The following CDH13 variants were observed in gnomAD, a reference collection of about 807,000 sequenced individuals.
CDH13 encodes the protein cadherin-13.
Under a neutral mutation model 63.8 loss-of-function variants are expected in CDH13, and 24 were observed. The observed-to-expected ratio is 0.38, with a 90% confidence interval of 0.27 to 0.53. The LOEUF is 0.53. CDH13 is among the 20% of genes least tolerant of loss of function. The pLI is 0.85. For synonymous variants in CDH13, 503 were observed against 355.3 expected (o/e 1.42, Z -4.67); for missense variants, 1,049 against 903.1 (o/e 1.16, Z -2.07).
At chr16:83,237,508 T>C (rs892924732) in intron 5 of CDH13, among the ~76,000 whole-genome samples, 2 of 152,256 alleles carry the variant, frequency 1.3e-5, no homozygotes, top group African/African-American at 4.8e-5. Context: ...ACGTGGTGAC[T>C]ATTGAGCATT....
chr16:82,791,937 GC>G, intron 1 of CDH13, among the ~76,000 whole-genome samples: 1 of 152,216 alleles, frequency 6.6e-6, no homozygotes, highest in African/African-American at 2.4e-5. Flanking sequence ...GGAGCGGCCC[GC>G]CCCATCTTGG....
chr16:82,858,415 G>C lies in CDH13; in HGVS notation c.99G>C (p.Gln33His). The change falls in exon 2 of 14, where the codon CAG becomes CAC. Residue 33 changes from glutamine to histidine, a missense_variant. Gln to His is a conservative substitution (Grantham distance 24). Transcript: ENST00000567109. ...TGGACTGCACTCCTGGATTTCAGCAGAAAGTGTTCCATATCAATCAGCCAG... is the reference window on the plus strand; with the variant it reads ...TGGACTGCACTCCTGGATTTCAGCACAAAGTGTTCCATATCAATCAGCCAG... Reference protein sequence around the residue: ...EDLDCTPGFQQKVFHINQPAE... With the variant: ...EDLDCTPGFQHKVFHINQPAE... 1.2e-6 allele frequency: 2 copies of C among 1,613,922 alleles called. No individual in the cohort carries two copies. Among genetic ancestry groups the C allele is most frequent in the Non-Finnish European group, 1.7e-6 (2 of 1,179,798 alleles).
intron 5 of CDH13, among the ~76,000 whole-genome samples, chr16:83,329,442 G>A (rs1393963872): frequency 1.3e-5 from 2 of 151,108 alleles, no homozygotes; most frequent in Admixed American, 1.3e-4. Flanking sequence ...TCGCCATGTT[G>A]GCGAGGCTGG....
rs566733663 is a variant in CDH13, at chr16:83,263,457, C to T, written c.636+45960C>T. Among the ~76,000 whole-genome samples, 4 of 152,254 alleles carry T rather than the reference C, an allele frequency of 2.6e-5. No individual in the cohort carries two copies. The East Asian group carries it at 7.7e-4, about 29-fold the overall frequency. On this transcript the variant is annotated intron_variant, in intron 5 of 13. Transcript: ENST00000567109. ...TCCTCTTGAGATATGCAGAGATCTA[C>T]CAACCACATCACAGAATGGAACTCA... is the stretch of plus-strand genomic sequence containing the variant.
At chr16:83,202,105 G>A (rs1388691046) in intron 4 of CDH13, among the ~76,000 whole-genome samples, 10 of 152,104 alleles carry the variant, frequency 6.6e-5, no homozygotes, top group East Asian at 5.8e-4. Context: ...TGAAAATGGC[G>A]GACTCGACTT....
chr16:82,679,977 G>C lies in CDH13; in HGVS notation c.45+52840G>C, dbSNP rs551513469. Among the ~76,000 whole-genome samples, 54 of 152,260 alleles carry C rather than the reference G, an allele frequency of 3.5e-4. 1 individual carries two copies. The highest frequency in any genetic ancestry group is 1.3e-3 in the African/African-American group (53 of 41,542). On this transcript the variant is annotated intron_variant, in intron 1 of 13. Coordinates refer to ENST00000567109, the MANE Select transcript of CDH13 (RefSeq NM_001257.5). ...GATCTTCTTGACGGTGGTGAAGAAG[G>C]ACAAGGAAGACCACCACCATAACAC...
chr16:82,696,874 G>A (rs984093701), intron 1 of CDH13, among the ~76,000 whole-genome samples: 7 of 152,180 alleles, frequency 4.6e-5, no homozygotes, highest in Non-Finnish European at 2.9e-5. Context: ...CTGCAGGCTT[G>A]ACTGGGGCTG....
chr16:82,905,229 G>C (rs1482852916), intron 2 of CDH13, among the ~76,000 whole-genome samples: 1 of 152,166 alleles, frequency 6.6e-6, no homozygotes, highest in East Asian at 1.9e-4. Context: ...TCTCTCTCTA[G>C]ATGGACTTCT....
chr16:83,592,390 A>G (rs1906844229), intron 7 of CDH13, among the ~76,000 whole-genome samples: 1 of 152,170 alleles, frequency 6.6e-6, no homozygotes, highest in South Asian at 2.1e-4. Context: ...AGTCTGTATC[A>G]TTTATCACAT....
At chr16:83,379,938 T>TATATATAGAGAGAGAGAG in intron 6 of CDH13, among the ~76,000 whole-genome samples, 18 of 123,462 alleles carry the variant, frequency 1.5e-4, no homozygotes, top group Middle Eastern at 4.2e-3. Flanking sequence ...TATATATATA[T>TATATATAGAGAGAGAGAG]AGAGAGAGAG....
chr16:83,418,509 A>G (rs1039325251), intron 6 of CDH13, among the ~76,000 whole-genome samples: 29 of 152,168 alleles, frequency 1.9e-4, no homozygotes, highest in African/African-American at 7.0e-4. Context: ...TCCTATAGCT[A>G]TGGGGACAAT....
rs563782168 is a variant in CDH13 at position 82,770,747 on chromosome 16, G to A, written c.46-87615G>A. ...TCTGGAGACAGAGTCTCAGTCTGTT[G>A]CCCAAGCTGGAGTGCAGTGGCGTGA... On this transcript the variant is annotated intron_variant, in intron 1 of 13. Coordinates refer to ENST00000567109, the MANE Select transcript of CDH13 (RefSeq NM_001257.5). 1.6e-4 allele frequency among the ~76,000 whole-genome samples: 25 copies of A among 152,194 alleles called. 1 individual carries two copies. The South Asian group carries it at 4.1e-3, about 25-fold the overall frequency.
intron 1 of CDH13, among the ~76,000 whole-genome samples, chr16:82,706,777 C>G (rs1432764869): frequency 2.0e-5 from 3 of 151,658 alleles, no homozygotes; most frequent in East Asian, 1.9e-4. Context: ...GTACTCCAGC[C>G]TGGGTGACAG....
In CDH13 at chr16:83,715,310, T is replaced by C. The variant is rs142448183; in HGVS notation, c.1539-32798T>C. On this transcript the variant is annotated intron_variant, in intron 10 of 13. Transcript: ENST00000567109. ...ATTTACTTGATCAGGGTTTGGATAA[T>C]GCTTCATTCACAGCTGTTTTTCGCT... Among the ~76,000 whole-genome samples the C allele has an allele frequency of 4.6e-5, 7 of 152,354 alleles. No individual in the cohort carries two copies. In the East Asian group the frequency reaches 1.4e-3, roughly 29 times the overall value.
chr16:83,344,059 C>G (rs988552277), intron 5 of CDH13, among the ~76,000 whole-genome samples: 4 of 152,164 alleles, frequency 2.6e-5, no homozygotes, highest in African/African-American at 9.7e-5. Flanking sequence ...ATGCCCTTTT[C>G]TGATCAAAAT....
chr16:82,904,905 C>G (rs552091032), intron 2 of CDH13, among the ~76,000 whole-genome samples: 1 of 152,144 alleles, frequency 6.6e-6, no homozygotes, highest in African/African-American at 2.4e-5. Flanking sequence ...CCTAAATGAA[C>G]CTAGGTTTCT....
chr16:82,933,834 T>C (rs1345830742), intron 2 of CDH13, among the ~76,000 whole-genome samples: 4 of 152,208 alleles, frequency 2.6e-5, no homozygotes, highest in African/African-American at 9.6e-5. Context: ...CAAAATAATC[T>C]CCTTTGACTC....
At chr16:82,819,737 G>A (rs1467163705) in intron 1 of CDH13, among the ~76,000 whole-genome samples, 1 of 152,210 alleles carries the variant, frequency 6.6e-6, no homozygotes, top group Non-Finnish European at 1.5e-5. Context: ...TGTATTGAAT[G>A]CCTATGCTTT....
intron 3 of CDH13, among the ~76,000 whole-genome samples, chr16:83,036,166 T>TTTG (rs1916834863): frequency 8.7e-6 from 1 of 115,318 alleles, no homozygotes. Flanking sequence ...TTTTTTTTTT[T>TTTG]GAGATAGGGT....
Sources: gnomAD v4.1 joint callset for allele counts (sites outside exome capture counted in the v4.1 genomes callset) on GRCh38, gnomAD v4.1.1 for gene constraint, MANE v1.5 for transcripts, NCBI Gene and HGNC (gene_info 2026-07-23, HGNC 2026-07-21) for gene names.